CSMD1: variants seen among roughly 807,000 people sequenced by gnomAD.
CSMD1 encodes the protein CUB and sushi domain-containing protein 1.
CSMD1 carries 213 observed loss-of-function variants against 417.5 expected under a neutral mutation model. The observed-to-expected ratio is 0.51, with a 90% confidence interval of 0.46 to 0.57. The LOEUF (loss-of-function observed/expected upper bound fraction) is 0.57. Ranked by LOEUF, CSMD1 falls within the 20% of genes least tolerant of loss-of-function variation. The pLI is 0.00. For synonymous variants in CSMD1, 2,862 were observed against 1,736.8 expected (o/e 1.65, Z -16.11); for missense variants, 6,923 against 4,529.7 (o/e 1.53, Z -15.17).
At chr8:4,869,778 A>T (rs1019658993) in intron 1 of CSMD1, among the ~76,000 whole-genome samples, 6 of 152,080 alleles carry the variant, frequency 3.9e-5, no homozygotes, top group Non-Finnish European at 5.9e-5. Context: ...CATTCTACTT[A>T]CACATCTGTT....
intron 5 of CSMD1, among the ~76,000 whole-genome samples, chr8:3,839,354 A>C (rs1340456008): frequency 2.1e-5 from 2 of 96,972 alleles, no homozygotes; most frequent in Non-Finnish European, 4.0e-5. Context: ...AGAATATATA[A>C]TATTAATATA....
chr8:3,481,852 G>C (rs1483548660), intron 11 of CSMD1, among the ~76,000 whole-genome samples: 1 of 152,186 alleles, frequency 6.6e-6, no homozygotes, highest in African/African-American at 2.4e-5. Flanking sequence ...GTTGATGCTG[G>C]CCTAGAAAAC....
At chr8:3,770,897 G>A (rs995372692) in intron 5 of CSMD1, among the ~76,000 whole-genome samples, 1 of 152,256 alleles carries the variant, frequency 6.6e-6, no homozygotes, top group Admixed American at 6.5e-5. Context: ...GCATTTTGCA[G>A]GATTAAATTA....
chr8:3,635,280 C>T (rs980495541), intron 7 of CSMD1, among the ~76,000 whole-genome samples: 21 of 152,060 alleles, frequency 1.4e-4, no homozygotes, highest in African/African-American at 5.1e-4. Flanking sequence ...TCAAGACCAG[C>T]CCGGCCAAGA....
chr8:4,336,638 A>T (rs1488860694), intron 3 of CSMD1, among the ~76,000 whole-genome samples: 1 of 152,156 alleles, frequency 6.6e-6, no homozygotes, highest in African/African-American at 2.4e-5. Flanking sequence ...TGAGCACATG[A>T]GCATGCTTCA....
chr8:3,705,436 C>A (rs912791825), intron 7 of CSMD1, among the ~76,000 whole-genome samples: 2 of 152,182 alleles, frequency 1.3e-5, no homozygotes, highest in Admixed American at 6.5e-5. Flanking sequence ...GAAGCCAGCA[C>A]TGGATGAAAA....
intron 4 of CSMD1, among the ~76,000 whole-genome samples, chr8:4,019,889 A>T (rs1017884205): frequency 5.4e-5 from 8 of 146,866 alleles, no homozygotes; most frequent in South Asian, 2.2e-4. Flanking sequence ...CTAGTTTCTT[A>T]TTCTAAAGAA....
chr8:3,578,793 T>G (rs1800260164), intron 9 of CSMD1, among the ~76,000 whole-genome samples: 2 of 152,192 alleles, frequency 1.3e-5, no homozygotes, highest in African/African-American at 4.8e-5. Context: ...TTTCCTTCCC[T>G]TAGCTTCTGT....
chr8:4,950,834 C>A (rs1416316467), intron 1 of CSMD1, among the ~76,000 whole-genome samples: 1 of 152,158 alleles, frequency 6.6e-6, no homozygotes, highest in East Asian at 1.9e-4. Context: ...TTAGGAGCAC[C>A]ACTCAACCAC....
chr8:3,018,530 A>C lies in CSMD1; in HGVS notation c.7976T>G (p.Val2659Gly), dbSNP rs1250626204. ...GAGCCCATTTGCCAAGCACTCTCTGACATGAGACCCCACAAGCGTGTAGCC... is the reference window on the plus strand; with the variant it reads ...GAGCCCATTTGCCAAGCACTCTCTGCCATGAGACCCCACAAGCGTGTAGCC... ...NTGYTLVGSH[V>G]RECLANGLWS... Residue 2659 changes from valine (V) to glycine (G), a missense_variant, in exon 52 of 70, where the codon GTC (valine) becomes GGC (glycine). Transcript: ENST00000635120. 6.2e-7 allele frequency: 1 copy of C among 1,613,940 alleles called. No individual in the cohort carries two copies. The highest frequency in any genetic ancestry group is 2.2e-5 in the East Asian group (1 of 44,872).
intron 1 of CSMD1, among the ~76,000 whole-genome samples, chr8:4,897,964 G>C (rs990536558): frequency 6.6e-6 from 1 of 152,114 alleles, no homozygotes; most frequent in African/African-American, 2.4e-5. Context: ...AATATGCTTA[G>C]TTTTAAATTA....
At chr8:3,732,598 G>A (rs1406280260) in intron 6 of CSMD1, among the ~76,000 whole-genome samples, 1 of 152,164 alleles carries the variant, frequency 6.6e-6, no homozygotes, top group Non-Finnish European at 1.5e-5. Flanking sequence ...CATGAAAGCT[G>A]CATTTCAGCA....
chr8:4,545,397 T>G (rs1797583729), intron 2 of CSMD1, among the ~76,000 whole-genome samples: 1 of 152,230 alleles, frequency 6.6e-6, no homozygotes, highest in Non-Finnish European at 1.5e-5. Flanking sequence ...CAATGAACAC[T>G]CAACGTCTGC....
chr8:4,197,280 A>G (rs1028571728), intron 3 of CSMD1, among the ~76,000 whole-genome samples: 1 of 152,256 alleles, frequency 6.6e-6, no homozygotes, highest in African/African-American at 2.4e-5. Context: ...GAGAAGTATT[A>G]GGCATTAAGT....
intron 2 of CSMD1, among the ~76,000 whole-genome samples, chr8:4,426,622 C>G (rs1369205244): frequency 2.4e-5 from 1 of 40,878 alleles, no homozygotes; most frequent in African/African-American, 1.2e-4. Flanking sequence ...ATATTGTTTA[C>G]TATATAATAT....
At chr8:3,255,877 C>A (rs1800613845) in intron 26 of CSMD1, among the ~76,000 whole-genome samples, 1 of 152,198 alleles carries the variant, frequency 6.6e-6, no homozygotes, top group South Asian at 2.1e-4. Flanking sequence ...CACTGTCCTG[C>A]ACCCACTTTC....
intron 1 of CSMD1, among the ~76,000 whole-genome samples, chr8:4,701,810 C>G (rs1486219476): frequency 6.6e-6 from 1 of 152,074 alleles, no homozygotes; most frequent in African/African-American, 2.4e-5. Context: ...GATGCATAAT[C>G]TCATATTTAC....
intron 1 of CSMD1, among the ~76,000 whole-genome samples, chr8:4,670,916 G>C (rs1388260972): frequency 2.0e-5 from 3 of 152,150 alleles, no homozygotes; most frequent in Non-Finnish European, 4.4e-5. Flanking sequence ...GACAAGGATA[G>C]CTTTATTAAT....
intron 5 of CSMD1, among the ~76,000 whole-genome samples, chr8:3,809,288 C>T (rs115405831): frequency 0.025 from 3,755 of 152,276 alleles, 165 homozygotes; most frequent in African/African-American, 0.084. Flanking sequence ...CATATCACAA[C>T]ACAATGCACC....
Sources: gnomAD v4.1 joint callset for allele counts (sites outside exome capture counted in the v4.1 genomes callset) on GRCh38, gnomAD v4.1.1 for gene constraint, MANE v1.5 for transcripts, NCBI Gene and HGNC (gene_info 2026-07-23, HGNC 2026-07-21) for gene names.